GRIK3: variants seen among roughly 807,000 people sequenced by gnomAD.
GRIK3 encodes the protein glutamate ionotropic receptor kainate type subunit 3.
GRIK3 carries 29 observed loss-of-function variants against 102.5 expected under a neutral mutation model. The observed-to-expected ratio is 0.28, with a 90% CI of 0.21 to 0.39. The LOEUF (loss-of-function observed/expected upper bound fraction) is 0.39, where lower values mean the gene tolerates loss of function less well. Ranked by LOEUF, GRIK3 falls within the 10% of genes least tolerant of loss-of-function variation. GRIK3 has a pLI of 1.00. For synonymous variants in GRIK3, 511 were observed against 504.9 expected, an observed-to-expected ratio of 1.01 and a Z score of -0.16; for missense variants, 908 against 1,252.4, an observed-to-expected ratio of 0.73 and a Z score of 4.15.
intron 14 of GRIK3, 129 bp downstream of exon 14, chr1:36,805,975 A>G: frequency 1.8e-6 from 1 of 554,918 alleles, no homozygotes; most frequent in Non-Finnish European, 3.1e-6. Flanking sequence ...AAGAACAGAA[A>G]AAAAAGAGAA....
In GRIK3 at chr1:36,797,341, AG is replaced by A. The variant is rs1364120763; in HGVS notation, c.*4509del. On this transcript the variant is annotated 3_prime_UTR_variant, in exon 16 of 16. Transcript: ENST00000373091. ...TTTTACATTCATATATATATTGTAC[AG>A]AACATTAACCTTCTACCTAAAAGTT... The A allele has an allele frequency of 1.3e-5, 2 of 151,786 alleles. No individual in the cohort carries two copies. Among genetic ancestry groups the A allele is most frequent in the Non-Finnish European group, 2.9e-5 (2 of 67,972 alleles). 9.4% of individuals were successfully genotyped at this position (151,786 alleles called of 1,614,324 possible). A position where few individuals can be genotyped will look rare whatever the true frequency, so the allele number is the denominator to read the frequency against.
intron 1 of GRIK3, among the ~76,000 whole-genome samples, chr1:36,991,347 A>G (rs995724745): frequency 1.3e-5 from 2 of 152,166 alleles, no homozygotes; most frequent in Non-Finnish European, 2.9e-5. Flanking sequence ...TAAAGGGGCC[A>G]CAGACACCAT....
At chr1:36,986,374 C>CCCAT (rs368867732) in intron 1 of GRIK3, among the ~76,000 whole-genome samples, 121 of 149,420 alleles carry the variant, frequency 8.1e-4, no homozygotes, top group African/African-American at 2.3e-3. Flanking sequence ...CGTCAGTCCG[C>CCCAT]CCATCCATCC....
intron 9 of GRIK3, among the ~76,000 whole-genome samples, chr1:36,849,153 T>A (rs555688170): frequency 1.3e-5 from 2 of 152,068 alleles, no homozygotes; most frequent in Admixed American, 6.5e-5. Flanking sequence ...GGAAGAATGG[T>A]TTTTTCCCCA....
At chr1:36,996,413 C>A (rs1642420188) in intron 1 of GRIK3, among the ~76,000 whole-genome samples, 1 of 152,186 alleles carries the variant, frequency 6.6e-6, no homozygotes, top group Admixed American at 6.5e-5. Context: ...ACAGACCTTC[C>A]CTGTTGGCCC....
intron 10 of GRIK3, among the ~76,000 whole-genome samples, chr1:36,840,950 AGG>A (rs1640442087): frequency 6.6e-6 from 1 of 152,178 alleles, no homozygotes; most frequent in African/African-American, 2.4e-5. Flanking sequence ...CGCGTGAGGA[AGG>A]GGTGTCAACA....
intron 10 of GRIK3, among the ~76,000 whole-genome samples, chr1:36,829,788 A>C (rs1442882624): frequency 6.6e-6 from 1 of 152,138 alleles, no homozygotes; most frequent in Non-Finnish European, 1.5e-5. Flanking sequence ...AGAACAATTT[A>C]ACCTGCTATA....
intron 5 of GRIK3, among the ~76,000 whole-genome samples, chr1:36,867,400 TC>T (rs1640797091): frequency 6.6e-6 from 1 of 152,096 alleles, no homozygotes. Context: ...GCATCCCTGA[TC>T]CCCACTCACT....
chr1:36,956,752 G>C (rs1369966812), intron 1 of GRIK3, among the ~76,000 whole-genome samples: 1 of 152,238 alleles, frequency 6.6e-6, no homozygotes. Flanking sequence ...GACTGGCCCC[G>C]GGCCAACAAT....
chr1:36,948,681 C>A (rs1195256947), intron 1 of GRIK3, among the ~76,000 whole-genome samples: 1 of 152,160 alleles, frequency 6.6e-6, no homozygotes, highest in Non-Finnish European at 1.5e-5. Flanking sequence ...CAGCTCCATG[C>A]CGGCTCCTCA....
intron 7 of GRIK3, among the ~76,000 whole-genome samples, chr1:36,854,083 C>A (rs998003329): frequency 1.3e-5 from 2 of 152,150 alleles, no homozygotes; most frequent in African/African-American, 2.4e-5. Context: ...TGCCAAGAAG[C>A]AGAAAAGCCA....
At chr1:36,855,369 G>A (rs1015965572) in intron 7 of GRIK3, among the ~76,000 whole-genome samples, 1 of 152,192 alleles carries the variant, frequency 6.6e-6, no homozygotes, top group Non-Finnish European at 1.5e-5. Context: ...AAGGTCAGGG[G>A]TCCACAGTTC....
At position 36,880,782 on chromosome 1, in the gene GRIK3, C is replaced by G. The variant is rs200954863; in HGVS notation, c.402G>C (p.Gln134His). 6.2e-7 allele frequency: 1 copy of G among 1,614,164 alleles called. No individual in the cohort carries two copies. Among genetic ancestry groups the G allele is most frequent in the Admixed American group, 1.7e-5 (1 of 60,034 alleles). Residue 134 changes from glutamine (Q) to histidine (H), a missense_variant, in exon 3 of 16, where the codon CAG (glutamine) becomes CAC (histidine). Around this residue, in one of 3 missense-constraint regions of GRIK3, gnomAD observed 585 missense variants for 824.9 expected, o/e 0.71. Transcript: ENST00000373091. The surrounding 1 kb of genome is among the most constrained non-coding windows in gnomAD (Gnocchi z 5.4). ...CCAGCGGGTGGTGCTTCCAACGCAG[C>G]TGGATGTGGGGCACCTCCAGGGCAT... ...ICNALEVPHI[Q>H]LRWKHHPLDN...
At chr1:36,897,226 T>C (rs1641181808) in intron 1 of GRIK3, among the ~76,000 whole-genome samples, 1 of 152,194 alleles carries the variant, frequency 6.6e-6, no homozygotes. Flanking sequence ...GCAGATAATA[T>C]GGTCTTATAT....
chr1:36,807,696 G>A (rs916604070), intron 13 of GRIK3, among the ~76,000 whole-genome samples: 3 of 152,166 alleles, frequency 2.0e-5, no homozygotes, highest in Non-Finnish European at 2.9e-5. Flanking sequence ...ACCCAAACAT[G>A]TCCTGAGGAA....
chr1:36,855,832 C>T (rs934738304), intron 7 of GRIK3, among the ~76,000 whole-genome samples: 1 of 152,254 alleles, frequency 6.6e-6, no homozygotes, highest in African/African-American at 2.4e-5. Context: ...TTATCCTTCC[C>T]CACATGAGCG....
intron 1 of GRIK3, among the ~76,000 whole-genome samples, chr1:36,898,941 C>A (rs1323641076): frequency 6.6e-6 from 1 of 152,090 alleles, no homozygotes; most frequent in African/African-American, 2.4e-5. Flanking sequence ...AAAGGATAGT[C>A]TTTTCAACAA....
At chr1:36,897,856 G>C (rs1176296116) in intron 1 of GRIK3, among the ~76,000 whole-genome samples, 1 of 152,198 alleles carries the variant, frequency 6.6e-6, no homozygotes, top group Non-Finnish European at 1.5e-5. Flanking sequence ...GTTTGTTGCA[G>C]CACTGTTCAC....
rs1251499044 is a variant in GRIK3 at position 36,959,357 on chromosome 1, CCTGTGTGCCCTGTGAGT to C, written c.116-68278_116-68262del. On this transcript the variant is annotated intron_variant, in intron 1 of 15. Transcript: ENST00000373091. ...CCGGTGAGCCTGTGTGTCCCGTGAG[CCTGTGTGCCCTGTGAGT>C]CTGTGTGCCCTGTGAGCCTGCACCC... Among the ~76,000 whole-genome samples, 23 of 119,998 alleles carry C rather than the reference CCTGTGTGCCCTGTGAGT, an allele frequency of 1.9e-4. 4 individuals are homozygous for C. The highest frequency in any genetic ancestry group is 6.3e-4 in the South Asian group (2 of 3,196). The allele number at this position is 119,998 out of a possible 152,430, so 78.7% of individuals were successfully genotyped here. A position where few individuals can be genotyped will look rare whatever the true frequency, so the allele number is the denominator to read the frequency against.
Sources: gnomAD v4.1 joint callset for allele counts (sites outside exome capture counted in the v4.1 genomes callset) on GRCh38, gnomAD v4.1.1 for gene constraint, gnomAD v4.1.1 regional missense constraint, Gnocchi (gnomAD v3.1) non-coding constraint, MANE v1.5 for transcripts, NCBI Gene and HGNC (gene_info 2026-07-23, HGNC 2026-07-21) for gene names.